TOP3B: variants seen among roughly 807,000 people sequenced by gnomAD.
The protein encoded by TOP3B is DNA topoisomerase 3-beta-1.
A neutral mutation model predicts 93.9 loss-of-function variants in TOP3B; 45 were observed. That is an observed-to-expected ratio of 0.48 (90% CI 0.38 to 0.61). The LOEUF (loss-of-function observed/expected upper bound fraction) is 0.61. Ranked by LOEUF, TOP3B falls within the 20% of genes least tolerant of loss-of-function variation. TOP3B has a pLI of 0.00. For synonymous variants in TOP3B, 357 were observed against 472.6 expected, an observed-to-expected ratio of 0.76 and a Z score of 3.17; for missense variants, 750 against 1,156.1, an observed-to-expected ratio of 0.65 and a Z score of 5.09.
intron 4 of TOP3B, 63 bp from the exon 5 acceptor site, chr22:21,972,014 G>A: frequency 1.4e-6 from 2 of 1,450,132 alleles, no homozygotes; most frequent in Non-Finnish European, 1.9e-6. Flanking sequence ...CCCGCCCCCA[G>A]TGCTCCCATC....
In TOP3B at chr22:21,970,415, G is replaced by A. The variant is rs756512407; in HGVS notation, c.385-9C>T. 2.3e-5 allele frequency: 37 copies of A among 1,612,690 alleles called. No homozygotes were observed. The highest frequency in any genetic ancestry group is 1.3e-5 in the African/African-American group (1 of 74,882). ...AGAACAGCATCAAGAACCTGGGGGT[G>A]GGGAGTGGCCAGCTGTGACCCACCT... On this transcript the variant is annotated splice_polypyrimidine_tract_variant and intron_variant, in intron 5 of 17. Coordinates refer to ENST00000357179, the MANE Select transcript of TOP3B (RefSeq NM_001282112.2). This position sits in a 1 kb window ranked among gnomAD's most constrained non-coding sequence, Gnocchi z 4.4.
At chr22:21,978,922 G>A (rs574194742) in intron 1 of TOP3B, among the ~76,000 whole-genome samples, 2 of 152,292 alleles carry the variant, frequency 1.3e-5, no homozygotes, top group East Asian at 1.9e-4. Flanking sequence ...GCTGCGTGCC[G>A]GAGGGGAAGG....
At position 21,971,508 on chromosome 22, in the gene TOP3B, C is replaced by T. The variant is rs907120239; in HGVS notation, c.384+369G>A. The T allele has an allele frequency of 1.2e-4, 41 of 353,654 alleles. No homozygotes were observed. Among genetic ancestry groups the T allele is most frequent in the Non-Finnish European group, 2.0e-4 (36 of 180,910 alleles). 21.9% of individuals were successfully genotyped at this position (353,654 alleles called of 1,614,324 possible). A position where few individuals can be genotyped will look rare whatever the true frequency, so the allele number is the denominator to read the frequency against. On this transcript the variant is annotated intron_variant, in intron 5 of 17. Transcript: ENST00000357179. This position sits in a 1 kb window ranked among gnomAD's most constrained non-coding sequence, Gnocchi z 4.6. Reference sequence around the variant, plus strand: ...TGCAAAAGGAGCTCAGTGCTGAGGTCGGGAATCAACCAGCATCAACCCAAG... The same window carrying T: ...TGCAAAAGGAGCTCAGTGCTGAGGTTGGGAATCAACCAGCATCAACCCAAG...
chr22:21,964,803 C>T (rs12166467), intron 9 of TOP3B: 4,570 of 179,386 alleles, frequency 0.025, 207 homozygotes, highest in African/African-American at 0.1. Context: ...CAGAGGCAGG[C>T]GCTTAGCTAG....
Position 21,970,522 on chromosome 22 carries a change from C to A in TOP3B, c.385-116G>T. 9.2e-7 allele frequency: 1 copy of A among 1,081,550 alleles called. No homozygotes were observed. The highest frequency in any genetic ancestry group is 1.3e-6 in the Non-Finnish European group (1 of 751,800). 67.0% of individuals were successfully genotyped at this position (1,081,550 alleles called of 1,614,324 possible). A position where few individuals can be genotyped will look rare whatever the true frequency, so the allele number is the denominator to read the frequency against. The stretch of plus-strand genomic sequence containing the variant: ...AGAACACGTGTGCTCGGCTCCCTCT[C>A]CTGCCCCTGCCAGACCCTCCTCTAT... On this transcript the variant is annotated intron_variant, in intron 5 of 17. Transcript: ENST00000357179. The surrounding 1 kb of genome is among the most constrained non-coding windows in gnomAD (Gnocchi z 4.4).
At position 21,968,750 on chromosome 22, in the gene TOP3B, TC is replaced by T; in HGVS notation, c.606del (p.Lys203AsnfsTer5). On this transcript the variant is annotated frameshift_variant, in exon 7 of 18. Coordinates refer to ENST00000357179, the MANE Select transcript of TOP3B (RefSeq NM_001282112.2). LOFTEE classifies it high-confidence loss of function. ...FTRFQTKYFQ[G>X]KYGDLDSSLI... ...AGAGAGCTGTCTAAATCACCGTATT[TC>T]CCCTGGAAATATTTAGTCTGAAACC... is the stretch of plus-strand genomic sequence containing the variant. 1 of 1,614,180 alleles carries T rather than the reference TC, an allele frequency of 6.2e-7. No individual in the cohort carries two copies. The highest frequency in any genetic ancestry group is 1.1e-5 in the South Asian group (1 of 91,086).
Position 21,967,930 on chromosome 22 carries a change from C to T in TOP3B, c.739-214G>A, listed in dbSNP as rs535547184. The stretch of plus-strand genomic sequence containing the variant: ...TGCCCCAAAACCAGGCAGCCAGTCT[C>T]AGGAAGGTGGCCCAAAGCTGAGGCT... On this transcript the variant is annotated intron_variant, in intron 7 of 17. Coordinates refer to ENST00000357179, the MANE Select transcript of TOP3B (RefSeq NM_001282112.2). The T allele has an allele frequency of 1.2e-4, 65 of 545,370 alleles. No individual in the cohort carries two copies. In the African/African-American group the frequency reaches 1.2e-3, roughly 10 times the overall value. The allele number at this position is 545,370 out of a possible 1,614,324, so 33.8% of individuals were successfully genotyped here. A position where few individuals can be genotyped will look rare whatever the true frequency, so the allele number is the denominator to read the frequency against.
rs1398271828 is a variant in TOP3B, at chr22:21,963,503, T to C, written c.1204+420A>G. 1.5e-5 allele frequency: 3 copies of C among 198,652 alleles called. No individual in the cohort carries two copies. The highest frequency in any genetic ancestry group is 3.1e-5 in the Non-Finnish European group (3 of 96,450). The allele number at this position is 198,652 out of a possible 1,614,324, so 12.3% of individuals were successfully genotyped here. A position where few individuals can be genotyped will look rare whatever the true frequency, so the allele number is the denominator to read the frequency against. ...CCTGTCTTTCCATTGTCTCGTGACA[T>C]GACACCATTGCTTCAAACTCAGACT... On this transcript the variant is annotated intron_variant, in intron 11 of 17. Coordinates refer to ENST00000357179, the MANE Select transcript of TOP3B (RefSeq NM_001282112.2). This position sits in a 1 kb window ranked among gnomAD's most constrained non-coding sequence, Gnocchi z 4.8.
intron 13 of TOP3B, 162 bp downstream of exon 13, chr22:21,962,267 C>A: frequency 6.3e-7 from 1 of 1,582,418 alleles, no homozygotes; most frequent in Non-Finnish European, 8.5e-7. Flanking sequence ...CCGCTGTGGA[C>A]CTGCCTGGCT....
In TOP3B at chr22:21,957,195, GC is replaced by G; in HGVS notation, c.2507del (p.Gly836AlafsTer50). 7.1e-7 allele frequency: 1 copy of G among 1,403,666 alleles called. No homozygotes were observed. Among genetic ancestry groups the G allele is most frequent in the South Asian group, 1.3e-5 (1 of 77,146 alleles). The allele number at this position is 1,403,666 out of a possible 1,614,324, so 87.0% of individuals were successfully genotyped here. A position where few individuals can be genotyped will look rare whatever the true frequency, so the allele number is the denominator to read the frequency against. ...GPGRRQGRGR[G>X]RARRPPGKPN... ...GCTTCCCAGGGGGCCTCCTGGCCCG[GC>G]CCCGCCCTCGACCCTGCCTTCTCCC... On this transcript the variant is annotated frameshift_variant, in exon 18 of 18. Transcript: ENST00000357179. LOFTEE classifies it high-confidence loss of function.
chr22:21,964,267 T>G lies in TOP3B; in HGVS notation c.992A>C (p.Gln331Pro), dbSNP rs774280847. ...AMQTAERLYT[Q>P]GYISYPRTET... The stretch of plus-strand genomic sequence containing the variant: ...TGTCCGTGGGTAGCTGATGTAGCCT[T>G]GCGTGTAGAGCCGCTCAGCCGTCTG... Residue 331 changes from glutamine to proline, a missense_variant, in exon 10 of 18, where the codon CAA becomes CCA. Coordinates refer to ENST00000357179, the MANE Select transcript of TOP3B (RefSeq NM_001282112.2). The G allele has an allele frequency of 6.2e-7, 1 of 1,614,140 alleles. No individual in the cohort carries two copies. Among genetic ancestry groups the G allele is most frequent in the Non-Finnish European group, 8.5e-7 (1 of 1,180,018 alleles).
intron 13 of TOP3B, chr22:21,960,705 C>A (rs548099508): frequency 2.0e-6 from 1 of 503,802 alleles, no homozygotes; most frequent in Non-Finnish European, 3.6e-6. Context: ...GCAGAGACAA[C>A]AGGCTCGGAG....
rs74573604 is a variant in TOP3B at position 21,961,175 on chromosome 22, G to A, written c.1526-726C>T. The A allele has an allele frequency of 7.2e-3, 1,091 of 152,448 alleles. 12 individuals carry two copies. Among genetic ancestry groups the A allele is most frequent in the Non-Finnish European group, 9.5e-3 (647 of 68,114 alleles). 9.4% of individuals were successfully genotyped at this position (152,448 alleles called of 1,614,324 possible). A position where few individuals can be genotyped will look rare whatever the true frequency, so the allele number is the denominator to read the frequency against. On this transcript the variant is annotated intron_variant, in intron 13 of 17. Coordinates refer to ENST00000357179, the MANE Select transcript of TOP3B (RefSeq NM_001282112.2). ...CACATGGGAAGAAACTGGCCTCTGG[G>A]GGCTAAGGAGCCTGCCGAGGGCCCA...
intron 9 of TOP3B, 53 bp from the exon 10 acceptor site, chr22:21,964,368 G>A: frequency 1.9e-6 from 3 of 1,597,610 alleles, no homozygotes; most frequent in Non-Finnish European, 2.6e-6. Context: ...ATGGCCAGCT[G>A]CCTGCCCTGG....
At position 21,980,846 on chromosome 22, in the gene TOP3B, G is replaced by A. The variant is rs192119587; in HGVS notation, c.-99+1884C>T. Among the ~76,000 whole-genome samples the A allele has an allele frequency of 2.0e-5, 3 of 152,284 alleles. No homozygotes were observed. The East Asian group carries it at 5.8e-4, about 29-fold the overall frequency. On this transcript the variant is annotated intron_variant, in intron 1 of 17. Transcript: ENST00000357179. ...TCAGCAGTCTGTCTCTCCCACAATT[G>A]TCAGGTTCATTGCCATATTTCTGGC...
chr22:21,962,313 C>T (rs1322273049), intron 13 of TOP3B, 116 bp downstream of exon 13: 1 of 1,597,736 alleles, frequency 6.3e-7, no homozygotes, highest in Non-Finnish European at 8.5e-7. Flanking sequence ...CAGATACCAG[C>T]CCATGGAGGG....
In TOP3B at chr22:21,967,735, A is replaced by T. The variant is rs960405592; in HGVS notation, c.739-19T>A. 1.0e-5 allele frequency: 16 copies of T among 1,595,990 alleles called. No individual in the cohort carries two copies. Among genetic ancestry groups the T allele is most frequent in the Non-Finnish European group, 1.4e-5 (16 of 1,164,452 alleles). ...TGTTAACCTGCAGGAAAAAGGATAA[A>T]GGGTGAACGCACAAGAAAAAGTCTC... On this transcript the variant is annotated intron_variant, in intron 7 of 17. Coordinates refer to ENST00000357179, the MANE Select transcript of TOP3B (RefSeq NM_001282112.2).
intron 13 of TOP3B, 92 bp from the exon 14 acceptor site, chr22:21,960,541 C>A: frequency 6.5e-7 from 1 of 1,540,478 alleles, no homozygotes; most frequent in Non-Finnish European, 8.8e-7. Flanking sequence ...GCCCCTGGTG[C>A]TCAGGCCCTC....
At position 21,960,392 on chromosome 22, in the gene TOP3B, G is replaced by A. The variant is rs147509770; in HGVS notation, c.1583C>T (p.Thr528Met). 1.8e-4 allele frequency: 293 copies of A among 1,613,730 alleles called. 3 individuals carry two copies. In the South Asian group the frequency reaches 2.3e-3, roughly 12 times the overall value. ...CTTGAGCCGGCGCCCGCTCTCCACC[G>A]TGACATAGTTGCGCTGGCAGATGTT... Reference protein sequence around the residue: ...INNICQRNYVTVESGRRLKPT... With the variant: ...INNICQRNYVMVESGRRLKPT... The change falls in exon 14 of 18, where the codon ACG becomes ATG. Residue 528 changes from threonine (T) to methionine (M), a missense_variant. Transcript: ENST00000357179.
Sources: allele counts gnomAD v4.1 joint callset (sites outside exome capture counted in the v4.1 genomes callset), GRCh38; gene constraint gnomAD v4.1.1; non-coding constraint Gnocchi (gnomAD v3.1); transcripts MANE v1.5; gene names NCBI Gene and HGNC (gene_info 2026-07-23, HGNC 2026-07-21).